PTPRM: variants seen among roughly 807,000 people sequenced by gnomAD.
PTPRM encodes the protein receptor-type tyrosine-protein phosphatase mu.
Under a neutral mutation model 186.7 loss-of-function variants are expected in PTPRM, and 47 were observed. That is an observed-to-expected ratio of 0.25 (90% CI 0.20 to 0.32). The LOEUF (loss-of-function observed/expected upper bound fraction) is 0.32, where lower values mean the gene tolerates loss of function less well. Ranked by LOEUF, PTPRM falls within the 10% of genes least tolerant of loss-of-function variation. The pLI is 1.00. For missense variants in PTPRM, 1,494 were observed against 1,865.0 expected, an observed-to-expected ratio of 0.80 and a Z score of 3.66; for synonymous variants, 668 against 674.9, an observed-to-expected ratio of 0.99 and a Z score of 0.16.
chr18:8,344,444 G>GTATATATATATATATATATATATATA (rs749210473), intron 23 of PTPRM, among the ~76,000 whole-genome samples: 1 of 129,536 alleles, frequency 7.7e-6, no homozygotes, highest in African/African-American at 3.3e-5. Flanking sequence ...GTGTGTGTGT[G>GTATATATATATATATATATATATATA]TGTGTATATA....
intron 14 of PTPRM, among the ~76,000 whole-genome samples, chr18:8,210,922 G>A (rs2093994900): frequency 6.6e-6 from 1 of 152,168 alleles, no homozygotes; most frequent in Non-Finnish European, 1.5e-5. Flanking sequence ...CATTCATCTT[G>A]ACCAAATGCT....
chr18:7,687,665 T>C (rs1462725075), intron 1 of PTPRM, among the ~76,000 whole-genome samples: 6 of 152,168 alleles, frequency 3.9e-5, no homozygotes, highest in Admixed American at 3.9e-4. Context: ...ATGATTTCCT[T>C]AATGGACAGC....
chr18:8,020,682 T>C (rs1275306051), intron 7 of PTPRM, among the ~76,000 whole-genome samples: 2 of 152,150 alleles, frequency 1.3e-5, no homozygotes, highest in Non-Finnish European at 2.9e-5. Context: ...CCAATCATGG[T>C]TTATTGATAT....
chr18:7,992,585 T>G (rs1234687046), intron 7 of PTPRM, among the ~76,000 whole-genome samples: 1 of 152,110 alleles, frequency 6.6e-6, no homozygotes, highest in East Asian at 1.9e-4. Context: ...AATTTGTAGT[T>G]TATTTGAGAA....
In PTPRM at chr18:8,370,159, T is replaced by C. The variant is rs73939455; in HGVS notation, c.3055-731T>C. Among the ~76,000 whole-genome samples, 595 of 145,080 alleles carry C rather than the reference T, an allele frequency of 4.1e-3. 5 individuals are homozygous for C. Among genetic ancestry groups the C allele is most frequent in the African/African-American group, 0.015 (563 of 38,784 alleles). On this transcript the variant is annotated intron_variant, in intron 23 of 32. Coordinates refer to ENST00000580170, the MANE Select transcript of PTPRM (RefSeq NM_001105244.2). ...TGCCCAGCCTCTGGTCCTGCTCTCC[T>C]CTCGTTGATGTCTAGAAAAACATTC...
intron 20 of PTPRM, among the ~76,000 whole-genome samples, chr18:8,299,725 T>G (rs1193832469): frequency 6.6e-6 from 1 of 152,148 alleles, no homozygotes; most frequent in African/African-American, 2.4e-5. Flanking sequence ...AAGGCCAATC[T>G]CAGTCTCAGT....
intron 11 of PTPRM, among the ~76,000 whole-genome samples, chr18:8,092,577 C>G (rs2090798434): frequency 6.6e-6 from 1 of 152,028 alleles, no homozygotes; most frequent in Admixed American, 6.6e-5. Flanking sequence ...GTGCCCCTGG[C>G]AAATTCAAGG....
intron 1 of PTPRM, among the ~76,000 whole-genome samples, chr18:7,671,000 G>A (rs1598341319): frequency 6.6e-6 from 1 of 152,160 alleles, no homozygotes; most frequent in Non-Finnish European, 1.5e-5. Flanking sequence ...AAATTTCTGA[G>A]CAAAACAAAG....
rs1412446627 is a variant in PTPRM at position 7,966,867 on chromosome 18, C to A, written c.1132+11453C>A. ...CTGAGATCAAACCGCAAGGCGGCAG[C>A]GAGGCTGGGGGAGGGGCGCCCACCA... On this transcript the variant is annotated intron_variant, in intron 7 of 32. Coordinates refer to ENST00000580170, the MANE Select transcript of PTPRM (RefSeq NM_001105244.2). Among the ~76,000 whole-genome samples, 2 of 127,724 alleles carry A rather than the reference C, an allele frequency of 1.6e-5. 1 individual carries two copies. The highest frequency in any genetic ancestry group is 3.7e-5 in the Non-Finnish European group (2 of 53,358). 83.8% of individuals were successfully genotyped at this position (127,724 alleles called of 152,430 possible).
chr18:7,743,879 A>G (rs910389033), intron 1 of PTPRM, among the ~76,000 whole-genome samples: 16 of 152,216 alleles, frequency 1.1e-4, no homozygotes, highest in African/African-American at 3.9e-4. Flanking sequence ...GCTGTTATTC[A>G]GAGCTTAGTG....
rs571080458 is a variant in PTPRM at position 8,188,309 on chromosome 18, T to G, written c.2300+44530T>G. Reference sequence around the variant, plus strand: ...CAAAGGATGTACACAGCTGAAACCTTTAGTCCTTCCCTGTGGCAGCAGCCA... The same window carrying G: ...CAAAGGATGTACACAGCTGAAACCTGTAGTCCTTCCCTGTGGCAGCAGCCA... On this transcript the variant is annotated intron_variant, in intron 14 of 32. Transcript: ENST00000580170. Among the ~76,000 whole-genome samples the G allele has an allele frequency of 3.9e-5, 6 of 152,320 alleles. No individual in the cohort carries two copies. In the South Asian group the frequency reaches 1.2e-3, roughly 32 times the overall value.
intron 13 of PTPRM, among the ~76,000 whole-genome samples, chr18:8,116,004 C>A (rs2091941597): frequency 6.6e-6 from 1 of 152,108 alleles, no homozygotes; most frequent in Non-Finnish European, 1.5e-5. Flanking sequence ...TTAAAACACT[C>A]AATTTTTATA....
chr18:8,096,984 G>T (rs1381283205), intron 11 of PTPRM, among the ~76,000 whole-genome samples: 1 of 152,128 alleles, frequency 6.6e-6, no homozygotes, highest in Non-Finnish European at 1.5e-5. Context: ...CATTCCTCAT[G>T]TTACATTTCT....
At chr18:7,790,663 C>G (rs117002694) in intron 2 of PTPRM, among the ~76,000 whole-genome samples, 2,699 of 152,282 alleles carry the variant, frequency 0.018, 19 homozygotes, top group Non-Finnish European at 0.026. Context: ...TGCAATAAAA[C>G]CTTTCAAAAG....
intron 7 of PTPRM, among the ~76,000 whole-genome samples, chr18:7,968,272 C>A (rs2054284441): frequency 7.8e-6 from 1 of 127,416 alleles, no homozygotes; most frequent in African/African-American, 3.2e-5. Flanking sequence ...ATTTTGTCAC[C>A]ACCAGGCCTG....
Position 8,252,470 on chromosome 18 carries a change from T to C in PTPRM, c.2555-18T>C. On this transcript the variant is annotated intron_variant, in intron 17 of 32. Transcript: ENST00000580170. Reference sequence around the variant, plus strand: ...TTTTTCTCCTCCTTTTTTCTCCTGATATGTATCTTCTTAAAAGTGCCAATA... The same window carrying C: ...TTTTTCTCCTCCTTTTTTCTCCTGACATGTATCTTCTTAAAAGTGCCAATA... 1 of 1,534,636 alleles carries C rather than the reference T, an allele frequency of 6.5e-7. No homozygotes were observed. The highest frequency in any genetic ancestry group is 9.0e-7 in the Non-Finnish European group (1 of 1,107,676).
At chr18:8,090,428 G>T (rs575422525) in intron 11 of PTPRM, among the ~76,000 whole-genome samples, 20 of 152,272 alleles carry the variant, frequency 1.3e-4, no homozygotes, top group African/African-American at 4.8e-4. Flanking sequence ...CCAAACTGAA[G>T]GAAGCTGAAA....
intron 2 of PTPRM, among the ~76,000 whole-genome samples, chr18:7,824,765 G>A (rs370634357): frequency 1.3e-5 from 2 of 152,254 alleles, no homozygotes; most frequent in East Asian, 3.9e-4. Flanking sequence ...AAACGAGAAA[G>A]CCCTCATCAT....
intron 1 of PTPRM, among the ~76,000 whole-genome samples, chr18:7,685,934 A>G (rs1379944533): frequency 6.6e-6 from 1 of 152,170 alleles, no homozygotes; most frequent in East Asian, 1.9e-4. Flanking sequence ...CAGTTCACTT[A>G]AAGCAGAAAA....
Sources: gnomAD v4.1 joint callset for allele counts (sites outside exome capture counted in the v4.1 genomes callset) on GRCh38, gnomAD v4.1.1 for gene constraint, MANE v1.5 for transcripts, NCBI Gene and HGNC (gene_info 2026-07-23, HGNC 2026-07-21) for gene names.